The following RBMS3 variants were observed in gnomAD, a reference collection of about 807,000 sequenced individuals.
RBMS3 encodes RNA-binding motif, single-stranded-interacting protein 3.
Under a neutral mutation model 66.8 loss-of-function variants are expected in RBMS3, and 27 were observed. The observed-to-expected ratio is 0.40, with a 90% CI of 0.30 to 0.56. The LOEUF is 0.56. RBMS3 is among the 20% of genes least tolerant of loss of function. The probability of loss-of-function intolerance (pLI) is 0.40; values close to 1 mark genes in which losing one functional copy is unlikely to be tolerated. For missense variants in RBMS3, 513 were observed against 549.5 expected (o/e 0.93, Z 0.66); for synonymous variants, 188 against 183.0 (o/e 1.03, Z -0.22).
intron 4 of RBMS3, among the ~76,000 whole-genome samples, chr3:29,668,684 A>G (rs948188266): frequency 1.3e-5 from 2 of 152,236 alleles, no homozygotes; most frequent in Admixed American, 6.5e-5. Context: ...AAGGAGGTAC[A>G]ATACTTACAC....
chr3:29,858,342 T>C (rs1168246579), intron 6 of RBMS3, among the ~76,000 whole-genome samples: 1 of 152,180 alleles, frequency 6.6e-6, no homozygotes, highest in East Asian at 1.9e-4. Context: ...AAATACAGTA[T>C]GCAAAGAGCT....
chr3:29,443,028 T>G (rs773198090), intron 2 of RBMS3, among the ~76,000 whole-genome samples: 2 of 152,156 alleles, frequency 1.3e-5, no homozygotes, highest in Non-Finnish European at 2.9e-5. Flanking sequence ...ATCAACTATT[T>G]GTTTAGTTCT....
chr3:29,311,906 C>T (rs917044870), intron 1 of RBMS3, among the ~76,000 whole-genome samples: 1 of 151,774 alleles, frequency 6.6e-6, no homozygotes, highest in Non-Finnish European at 1.5e-5. Flanking sequence ...CTTAGAGAGG[C>T]CTTGGTTTCC....
At chr3:29,960,044 C>T (rs991248602) in intron 12 of RBMS3, among the ~76,000 whole-genome samples, 1 of 152,140 alleles carries the variant, frequency 6.6e-6, no homozygotes, top group South Asian at 2.1e-4. Flanking sequence ...AAAGTCTTAG[C>T]TCATTCCAGC....
intron 6 of RBMS3, among the ~76,000 whole-genome samples, chr3:29,827,427 C>T (rs2058239590): frequency 6.6e-6 from 1 of 152,146 alleles, no homozygotes; most frequent in South Asian, 2.1e-4. Flanking sequence ...CTTGTTTTCC[C>T]TCATATCTAT....
At chr3:29,346,701 A>G (rs1049528899) in intron 1 of RBMS3, among the ~76,000 whole-genome samples, 2 of 152,044 alleles carry the variant, frequency 1.3e-5, no homozygotes, top group Admixed American at 6.6e-5. Context: ...CCAGCAATTC[A>G]TTCTTATATC....
intron 1 of RBMS3, among the ~76,000 whole-genome samples, chr3:29,401,478 G>A (rs2125666711): frequency 6.6e-6 from 1 of 152,174 alleles, no homozygotes; most frequent in Admixed American, 6.5e-5. Flanking sequence ...TTCATCATGA[G>A]AAGATATTTA....
At chr3:29,308,957 C>T (rs2034202667) in intron 1 of RBMS3, among the ~76,000 whole-genome samples, 1 of 151,326 alleles carries the variant, frequency 6.6e-6, no homozygotes. Context: ...AAGCTGTTAC[C>T]CTAACATTGG....
Position 29,423,006 on chromosome 3 carries a change from C to T in RBMS3, c.76-11737C>T, listed in dbSNP as rs145818708. ...TTTTATGTCATGGAATATAGGTTAT[C>T]GTTTATGAAATTGCTGAATTGCCCT... On this transcript the variant is annotated intron_variant, in intron 1 of 14. Transcript: ENST00000383767. Among the ~76,000 whole-genome samples the T allele has an allele frequency of 4.1e-3, 617 of 152,256 alleles. 6 individuals carry two copies. The highest frequency in any genetic ancestry group is 0.014 in the African/African-American group (575 of 41,542).
chr3:29,934,922 G>A (rs1452431264), intron 10 of RBMS3, among the ~76,000 whole-genome samples: 1 of 152,082 alleles, frequency 6.6e-6, no homozygotes, highest in African/African-American at 2.4e-5. Context: ...TTTAGGAAAC[G>A]CGCAGTGGGT....
At chr3:29,960,566 C>T (rs566993842) in intron 12 of RBMS3, among the ~76,000 whole-genome samples, 11 of 152,348 alleles carry the variant, frequency 7.2e-5, no homozygotes, top group Non-Finnish European at 1.0e-4. Flanking sequence ...CCACATTTCC[C>T]TTCCACACTG....
chr3:29,699,236 G>A (rs2052431711), intron 4 of RBMS3, among the ~76,000 whole-genome samples: 1 of 152,092 alleles, frequency 6.6e-6, no homozygotes, highest in Non-Finnish European at 1.5e-5. Flanking sequence ...CTGCAACTCC[G>A]CTTTCCAGGT....
intron 4 of RBMS3, among the ~76,000 whole-genome samples, chr3:29,669,965 C>A (rs903926570): frequency 2.0e-5 from 3 of 152,092 alleles, no homozygotes; most frequent in Non-Finnish European, 2.9e-5. Context: ...AATTGCAGGT[C>A]TTATATAAGG....
rs71091082 is a variant in RBMS3 at position 29,930,109 on chromosome 3, C to CTTTCTTTCTTTTTTTTTTTTTTTT, written c.940-5974_940-5973insCTTTCTTTTTTTTTTTTTTTTTTT. Among the ~76,000 whole-genome samples the CTTTCTTTCTTTTTTTTTTTTTTTT allele has an allele frequency of 3.9e-4, 17 of 43,552 alleles. 3 individuals carry two copies. Among genetic ancestry groups the CTTTCTTTCTTTTTTTTTTTTTTTT allele is most frequent in the East Asian group, 7.8e-4 (1 of 1,286 alleles). The allele number at this position is 43,552 out of a possible 152,430, so 28.6% of individuals were successfully genotyped here. A position where few individuals can be genotyped will look rare whatever the true frequency, so the allele number is the denominator to read the frequency against. Reference sequence around the variant, plus strand: ...TACTTTGTGTCACTTTTCTTTCTTTCTTTTTTTTTTTTTTTTTTTTGAGAT... The same window carrying CTTTCTTTCTTTTTTTTTTTTTTTT: ...TACTTTGTGTCACTTTTCTTTCTTTCTTTCTTTCTTTTTTTTTTTTTTTTTTTTTTTTTTTTTTTTTTTTGAGAT... On this transcript the variant is annotated intron_variant, in intron 10 of 14. Coordinates refer to ENST00000383767, the MANE Select transcript of RBMS3 (RefSeq NM_001003793.3).
rs752800827 is a variant in RBMS3, at chr3:29,991,118, C to A, written c.1216C>A (p.Pro406Thr). 2 of 1,613,988 alleles carry A rather than the reference C, an allele frequency of 1.2e-6. No homozygotes were observed. Among genetic ancestry groups the A allele is most frequent in the Non-Finnish European group, 1.7e-6 (2 of 1,180,024 alleles). Residue 406 changes from proline (P) to threonine (T), a missense_variant, in exon 14 of 15, where the codon CCT becomes ACT. By Grantham distance (38) the Pro-to-Thr change is conservative (BLOSUM62 -1). Transcript: ENST00000383767. ...TGATACCTCTCCCCAGACAGTGGCA[C>A]CTTCATCCCAGGACACCAGTGGTCA... ...VADTSPQTVA[P>T]SSQDTSGQQQ...
intron 4 of RBMS3, among the ~76,000 whole-genome samples, chr3:29,622,063 C>T (rs1449257090): frequency 6.6e-6 from 1 of 151,948 alleles, no homozygotes; most frequent in Non-Finnish European, 1.5e-5. Flanking sequence ...TTAAAGGATC[C>T]GGTGAACTCT....
At chr3:29,960,836 C>T (rs1696383794) in intron 12 of RBMS3, among the ~76,000 whole-genome samples, 1 of 152,134 alleles carries the variant, frequency 6.6e-6, no homozygotes, top group Non-Finnish European at 1.5e-5. Context: ...TCACTAAGTC[C>T]TAGGCTGCAC....
intron 5 of RBMS3, among the ~76,000 whole-genome samples, chr3:29,748,313 G>T (rs1466784729): frequency 2.0e-5 from 3 of 151,996 alleles, no homozygotes; most frequent in Admixed American, 6.6e-5. Context: ...GGTGTAATAG[G>T]TAATAATGTC....
At chr3:29,628,864 A>G (rs2049170419) in intron 4 of RBMS3, among the ~76,000 whole-genome samples, 1 of 152,170 alleles carries the variant, frequency 6.6e-6, no homozygotes, top group Non-Finnish European at 1.5e-5. Context: ...TTTCACAATT[A>G]GAATCTAATT....
Sources: gnomAD v4.1 joint callset for allele counts (sites outside exome capture counted in the v4.1 genomes callset) on GRCh38, gnomAD v4.1.1 for gene constraint, MANE v1.5 for transcripts, NCBI Gene and HGNC (gene_info 2026-07-23, HGNC 2026-07-21) for gene names.